TSPAN31: variants seen among roughly 807,000 people sequenced by gnomAD.
TSPAN31 encodes the protein tetraspanin 31.
A neutral mutation model predicts 24.8 loss-of-function variants in TSPAN31; 16 were observed. The ratio of observed to expected loss-of-function variants is 0.64; its 90% CI spans 0.44 to 0.98. The LOEUF (loss-of-function observed/expected upper bound fraction) is 0.98. Ranked by LOEUF, TSPAN31 falls within the 50% of genes least tolerant of loss-of-function variation. The probability of loss-of-function intolerance (pLI) is 0.00; values close to 1 mark genes in which losing one functional copy is unlikely to be tolerated. For missense variants in TSPAN31, 209 were observed against 251.6 expected (o/e 0.83, Z 1.15); for synonymous variants, 87 against 91.4 (o/e 0.95, Z 0.27).
chr12:57,749,504 C>G lies in TSPAN31; in HGVS notation c.*2214C>G, dbSNP rs2140383978. The G allele has an allele frequency of 3.1e-6, 5 of 1,613,996 alleles. No individual in the cohort carries two copies. The highest frequency in any genetic ancestry group is 4.2e-6 in the Non-Finnish European group (5 of 1,179,906). ...CTTCAGAGTTTCCACAGAAGAGAGG[C>G]CTAAGGTGAGAAGGGATATAAGGTA... is the stretch of plus-strand genomic sequence containing the variant. On this transcript the variant is annotated 3_prime_UTR_variant, in exon 6 of 6. Transcript: ENST00000257910.
rs537151372 is a variant in TSPAN31, at chr12:57,745,146, G to A, written c.-9G>A. 30 of 1,600,082 alleles carry A rather than the reference G, an allele frequency of 1.9e-5. No homozygotes were observed. In the Middle Eastern group the frequency reaches 6.6e-4, roughly 35 times the overall value. ...CCTTGGGACCACTTGGGTCCCCAGA[G>A]CTGGGGAGATGGTTTGTGGCGGCTT... is the stretch of plus-strand genomic sequence containing the variant. On this transcript the variant is annotated 5_prime_UTR_variant, in exon 1 of 6. Transcript: ENST00000257910.
At chr12:57,746,062 A>G (rs1487073735) in intron 2 of TSPAN31, 114 bp from the exon 3 acceptor site, 2 of 1,428,704 alleles carry the variant, frequency 1.4e-6, no homozygotes, top group Non-Finnish European at 9.7e-7. Flanking sequence ...AGCTGATTTT[A>G]TTGCTTTCAA....
In TSPAN31 at chr12:57,748,034, G is replaced by A. The variant is rs112275916; in HGVS notation, c.*744G>A. Reference sequence around the variant, plus strand: ...TGGGATTATAGGCGTGAGCCACCACGCCCCGCCTAAAATCCATATTCAAAG... The same window carrying A: ...TGGGATTATAGGCGTGAGCCACCACACCCCGCCTAAAATCCATATTCAAAG... On this transcript the variant is annotated 3_prime_UTR_variant, in exon 6 of 6. Coordinates refer to ENST00000257910, the MANE Select transcript of TSPAN31 (RefSeq NM_005981.5). 4,138 of 249,134 alleles carry A rather than the reference G, an allele frequency of 0.017. 156 individuals carry two copies. The highest frequency in any genetic ancestry group is 0.081 in the African/African-American group (3,648 of 44,906). 15.4% of individuals were successfully genotyped at this position (249,134 alleles called of 1,614,324 possible).
rs1955211945 is a variant in TSPAN31 at position 57,749,857 on chromosome 12, C to T, written c.*2567C>T. 2.9e-6 allele frequency: 1 copy of T among 345,846 alleles called. No homozygotes were observed. The highest frequency in any genetic ancestry group is 7.2e-5 in the East Asian group (1 of 13,864). The allele number at this position is 345,846 out of a possible 1,614,324, so 21.4% of individuals were successfully genotyped here. A position where few individuals can be genotyped will look rare whatever the true frequency, so the allele number is the denominator to read the frequency against. On this transcript the variant is annotated 3_prime_UTR_variant, in exon 6 of 6. Coordinates refer to ENST00000257910, the MANE Select transcript of TSPAN31 (RefSeq NM_005981.5). ...ACTAAAAGTACAAAAATTAGCTGAG[C>T]ATGGTGGCGTGCACCTGTGGTCCCA...
At position 57,749,795 on chromosome 12, in the gene TSPAN31, G is replaced by A. The variant is rs1327985823; in HGVS notation, c.*2505G>A. On this transcript the variant is annotated 3_prime_UTR_variant, in exon 6 of 6. Transcript: ENST00000257910. Reference sequence around the variant, plus strand: ...GGGTGGATCATGAGGTCAAGAGATCGAGACCATCCTGGCCAACATGGTGAA... The same window carrying A: ...GGGTGGATCATGAGGTCAAGAGATCAAGACCATCCTGGCCAACATGGTGAA... 18 of 472,778 alleles carry A rather than the reference G, an allele frequency of 3.8e-5. No individual in the cohort carries two copies. The highest frequency in any genetic ancestry group is 4.3e-5 in the South Asian group (2 of 46,170). The allele number at this position is 472,778 out of a possible 1,614,324, so 29.3% of individuals were successfully genotyped here.
At position 57,745,128 on chromosome 12, in the gene TSPAN31, A is replaced by G. The variant is rs575067170; in HGVS notation, c.-27A>G. The G allele has an allele frequency of 6.3e-7, 1 of 1,585,464 alleles. No individual in the cohort carries two copies. The highest frequency in any genetic ancestry group is 1.3e-5 in the African/African-American group (1 of 74,564). On this transcript the variant is annotated 5_prime_UTR_variant, in exon 1 of 6. Transcript: ENST00000257910. ...AATACCCTCCCCCCAAGTCCTTGGGACCACTTGGGTCCCCAGAGCTGGGGA... is the reference window on the plus strand; with the variant it reads ...AATACCCTCCCCCCAAGTCCTTGGGGCCACTTGGGTCCCCAGAGCTGGGGA...
rs1955191686 is a variant in TSPAN31, at chr12:57,748,732, G to A, written c.*1442G>A. ...TCTTTTTTTTTTTTTTTGAGACGGA[G>A]TCTCGCTCTATCACCCAGGCTGGAG... On this transcript the variant is annotated 3_prime_UTR_variant, in exon 6 of 6. Transcript: ENST00000257910. 3 of 737,312 alleles carry A rather than the reference G, an allele frequency of 4.1e-6. No homozygotes were observed. In the South Asian group the frequency reaches 4.5e-5, roughly 11 times the overall value. The allele number at this position is 737,312 out of a possible 1,614,324, so 45.7% of individuals were successfully genotyped here. A position where few individuals can be genotyped will look rare whatever the true frequency, so the allele number is the denominator to read the frequency against.
chr12:57,748,445 G>T lies in TSPAN31; in HGVS notation c.*1155G>T. 1 of 1,036,746 alleles carries T rather than the reference G, an allele frequency of 9.6e-7. No homozygotes were observed. The highest frequency in any genetic ancestry group is 1.5e-6 in the Non-Finnish European group (1 of 656,614). 64.2% of individuals were successfully genotyped at this position (1,036,746 alleles called of 1,614,324 possible). A position where few individuals can be genotyped will look rare whatever the true frequency, so the allele number is the denominator to read the frequency against. ...GAGGAGGACCCTCCATAGCCTCAGAGATAAAGGCAAAGATTGCCCTCTCAG... is the reference window on the plus strand; with the variant it reads ...GAGGAGGACCCTCCATAGCCTCAGATATAAAGGCAAAGATTGCCCTCTCAG... On this transcript the variant is annotated 3_prime_UTR_variant, in exon 6 of 6. Transcript: ENST00000257910.
intron 1 of TSPAN31, 61 bp downstream of exon 1, chr12:57,745,278 G>C: frequency 6.4e-7 from 1 of 1,554,930 alleles, no homozygotes; most frequent in South Asian, 1.2e-5. Context: ...AGAATCTCTA[G>C]GGTACTTCCG....
intron 2 of TSPAN31, 114 bp downstream of exon 2, chr12:57,746,026 CCCTGT>C (rs1955144480): frequency 1.2e-5 from 18 of 1,459,426 alleles, no homozygotes; most frequent in Non-Finnish European, 2.8e-6. Flanking sequence ...CCTTGCCCTG[CCCTGT>C]CCCATAATCT....
chr12:57,746,179 A>T lies in TSPAN31; in HGVS notation c.235A>T (p.Met79Leu). Residue 79 changes from methionine to leucine, a missense_variant, in exon 3 of 6, where the codon ATG (methionine) becomes TTG (leucine). Transcript: ENST00000257910. ...NHHQVLLFFY[M>L]IILGLVFIFQ... ...TTTCCATAACCTTTCCTCTCAGTACATGATCATCCTTGGTTTGGTCTTCAT... is the reference window on the plus strand; with the variant it reads ...TTTCCATAACCTTTCCTCTCAGTACTTGATCATCCTTGGTTTGGTCTTCAT... 1 of 1,613,920 alleles carries T rather than the reference A, an allele frequency of 6.2e-7. No individual in the cohort carries two copies. The highest frequency in any genetic ancestry group is 8.5e-7 in the Non-Finnish European group (1 of 1,179,766).
rs796699797 is a variant in TSPAN31 at position 57,750,192 on chromosome 12, T to C, written c.*2902T>C. On this transcript the variant is annotated 3_prime_UTR_variant, in exon 6 of 6. Transcript: ENST00000257910. The stretch of plus-strand genomic sequence containing the variant: ...ATAAATAAATAAATAAATAAATAAA[T>C]AAATAAAAAATAAAGAGAATAAAGG... 7.3e-6 allele frequency: 1 copy of C among 136,392 alleles called. No individual in the cohort carries two copies. Among genetic ancestry groups the C allele is most frequent in the African/African-American group, 2.9e-5 (1 of 34,342 alleles). 8.4% of individuals were successfully genotyped at this position (136,392 alleles called of 1,614,324 possible).
Position 57,747,356 on chromosome 12 carries a change from T to C in TSPAN31, c.*66T>C. 6.8e-7 allele frequency: 1 copy of C among 1,469,418 alleles called. No homozygotes were observed. Among genetic ancestry groups the C allele is most frequent in the Non-Finnish European group, 9.4e-7 (1 of 1,058,532 alleles). 91.0% of individuals were successfully genotyped at this position (1,469,418 alleles called of 1,614,324 possible). ...CTTTCTCTTCCTCCCTTAGGGAATA[T>C]CTAGGGTCTGTAACCGTTTTGGTTT... On this transcript the variant is annotated 3_prime_UTR_variant, in exon 6 of 6. Coordinates refer to ENST00000257910, the MANE Select transcript of TSPAN31 (RefSeq NM_005981.5).
At chr12:57,746,841 T>A in intron 4 of TSPAN31, 121 bp downstream of exon 4, 1 of 1,465,282 alleles carries the variant, frequency 6.8e-7, no homozygotes, top group Non-Finnish European at 9.4e-7. Context: ...CCTCTTGTAT[T>A]GGGGCTGTGT....
Position 57,748,344 on chromosome 12 carries a change from G to A in TSPAN31, c.*1054G>A. 1 of 679,452 alleles carries A rather than the reference G, an allele frequency of 1.5e-6. No individual in the cohort carries two copies. The allele number at this position is 679,452 out of a possible 1,614,324, so 42.1% of individuals were successfully genotyped here. A position where few individuals can be genotyped will look rare whatever the true frequency, so the allele number is the denominator to read the frequency against. On this transcript the variant is annotated 3_prime_UTR_variant, in exon 6 of 6. Coordinates refer to ENST00000257910, the MANE Select transcript of TSPAN31 (RefSeq NM_005981.5). ...CCCCTTAGTGTAGAGAAATGGGAAG[G>A]AGAAGGAGAAGCCTCAAAAGGAGAG...
chr12:57,746,072 A>G (rs184538564), intron 2 of TSPAN31, 104 bp from the exon 3 acceptor site: 351 of 1,437,744 alleles, frequency 2.4e-4, no homozygotes, highest in African/African-American at 2.4e-3. Flanking sequence ...ATTGCTTTCA[A>G]TTTGACATGG....
Position 57,748,708 on chromosome 12 carries a change from C to CTTAT in TSPAN31, c.*1420_*1421insATTT. On this transcript the variant is annotated 3_prime_UTR_variant, in exon 6 of 6. Coordinates refer to ENST00000257910, the MANE Select transcript of TSPAN31 (RefSeq NM_005981.5). ...CCTGGGATGAGCTTTCTTCTTTTTT[C>CTTAT]TTTTTTTTTTTTTTTGAGACGGAGT... The CTTAT allele has an allele frequency of 1.4e-6, 1 of 693,632 alleles. No individual in the cohort carries two copies. Among genetic ancestry groups the CTTAT allele is most frequent in the Non-Finnish European group, 2.5e-6 (1 of 403,558 alleles). 43.0% of individuals were successfully genotyped at this position (693,632 alleles called of 1,614,324 possible).
rs2069511 is a variant in TSPAN31, at chr12:57,748,315, C to T, written c.*1025C>T. The T allele has an allele frequency of 2.8e-3, 1,648 of 588,326 alleles. 1 individual carries two copies. The highest frequency in any genetic ancestry group is 5.7e-3 in the Admixed American group (219 of 38,246). 36.4% of individuals were successfully genotyped at this position (588,326 alleles called of 1,614,324 possible). ...AGGTAGGGAAAGGGACAAGAGGGAA[C>T]ATACCCCTTAGTGTAGAGAAATGGG... is the stretch of plus-strand genomic sequence containing the variant. On this transcript the variant is annotated 3_prime_UTR_variant, in exon 6 of 6. Coordinates refer to ENST00000257910, the MANE Select transcript of TSPAN31 (RefSeq NM_005981.5).
Position 57,746,663 on chromosome 12 carries a change from T to C in TSPAN31, c.387T>C (p.Cys129=). The part of the protein sequence containing the change: ...TRDELERSFD[C]CGLFNLTTLY... Reference sequence around the variant, plus strand: ...ATGAACTGGAAAGAAGTTTTGATTGTTGTGGCTTATTCAACCTCACAACCC... The same window carrying C: ...ATGAACTGGAAAGAAGTTTTGATTGCTGTGGCTTATTCAACCTCACAACCC... The change falls in exon 4 of 6, where the codon TGT becomes TGC. Residue 129 remains cysteine, a synonymous_variant. Transcript: ENST00000257910. The C allele has an allele frequency of 2.5e-6, 4 of 1,614,238 alleles. No homozygotes were observed. In the East Asian group the frequency reaches 8.9e-5, roughly 36 times the overall value.
Sources: allele counts gnomAD v4.1 joint callset, GRCh38; gene constraint gnomAD v4.1.1; transcripts MANE v1.5; gene names NCBI Gene and HGNC (gene_info 2026-07-23, HGNC 2026-07-21).